The following RALGAPA2 variants were observed in gnomAD, a reference collection of about 807,000 sequenced individuals.
The protein encoded by RALGAPA2 is ral GTPase-activating protein subunit alpha-2.
A neutral mutation model predicts 230.4 loss-of-function variants in RALGAPA2; 139 were observed. That is an observed-to-expected ratio of 0.60 (90% confidence interval 0.53 to 0.69). The LOEUF is 0.69. Ranked by LOEUF, RALGAPA2 falls within the 30% of genes least tolerant of loss-of-function variation. The probability of loss-of-function intolerance (pLI) is 0.00; values close to 1 mark genes in which losing one functional copy is unlikely to be tolerated. For synonymous variants in RALGAPA2, 847 were observed against 837.8 expected (o/e 1.01, Z -0.19); for missense variants, 2,163 against 2,276.0 (o/e 0.95, Z 1.01).
chr20:20,607,870 A>G (rs1231733275), intron 14 of RALGAPA2, among the ~76,000 whole-genome samples: 1 of 152,250 alleles, frequency 6.6e-6, no homozygotes, highest in Admixed American at 6.5e-5. Context: ...AATTATCATC[A>G]TAATTCACAA....
At chr20:20,550,771 A>G (rs1258608919) in intron 23 of RALGAPA2, among the ~76,000 whole-genome samples, 2 of 152,232 alleles carry the variant, frequency 1.3e-5, no homozygotes, top group African/African-American at 4.8e-5. Flanking sequence ...GTAATGGGAT[A>G]GGAGATAAGA....
intron 20 of RALGAPA2, among the ~76,000 whole-genome samples, chr20:20,580,643 G>A (rs763968663): frequency 6.6e-6 from 1 of 152,146 alleles, no homozygotes; most frequent in Non-Finnish European, 1.5e-5. Flanking sequence ...AGGGATCCGT[G>A]AGTATAAACT....
At chr20:20,416,310 G>A (rs764568721) in intron 37 of RALGAPA2, among the ~76,000 whole-genome samples, 6 of 152,136 alleles carry the variant, frequency 3.9e-5, no homozygotes, top group Non-Finnish European at 8.8e-5. Flanking sequence ...CAGGCTCCAT[G>A]GCAAGCAAAC....
chr20:20,602,869 G>A (rs999276734), intron 15 of RALGAPA2, among the ~76,000 whole-genome samples: 9 of 151,862 alleles, frequency 5.9e-5, no homozygotes, highest in Admixed American at 1.3e-4. Context: ...ATGTGCACTC[G>A]TGCATGGATT....
intron 12 of RALGAPA2, among the ~76,000 whole-genome samples, chr20:20,616,877 A>G (rs749289026): frequency 6.6e-6 from 1 of 152,236 alleles, no homozygotes; most frequent in South Asian, 2.1e-4. Context: ...TTATCAGCCA[A>G]CTACTCTACC....
rs141815257 is a variant in RALGAPA2, at chr20:20,584,575, T to C, written c.2530+290A>G. Among the ~76,000 whole-genome samples the C allele has an allele frequency of 7.0e-3, 1,066 of 152,292 alleles. 6 individuals are homozygous for C. The highest frequency in any genetic ancestry group is 0.023 in the African/African-American group (970 of 41,552). On this transcript the variant is annotated intron_variant, in intron 19 of 39. Transcript: ENST00000202677. ...TGGGAAGATGGCTTGAGCCCAGTCA[T>C]TCAAAACCAGCCTGGGCAACATGGC...
chr20:20,583,299 G>A (rs768187256), intron 19 of RALGAPA2, 73 bp from the exon 20 acceptor site: 240 of 1,412,418 alleles, frequency 1.7e-4, no homozygotes, highest in Non-Finnish European at 2.2e-4. Flanking sequence ...TTACTGATAC[G>A]AAAGTAACTA....
At chr20:20,497,086 A>G (rs1569445510) in intron 35 of RALGAPA2, among the ~76,000 whole-genome samples, 1 of 152,238 alleles carries the variant, frequency 6.6e-6, no homozygotes, top group Non-Finnish European at 1.5e-5. Flanking sequence ...ACATAAAAGT[A>G]AAAGAATAGC....
At chr20:20,628,679 T>C (rs937853701) in intron 10 of RALGAPA2, among the ~76,000 whole-genome samples, 5 of 152,218 alleles carry the variant, frequency 3.3e-5, no homozygotes, top group African/African-American at 1.2e-4. Flanking sequence ...CCCTCCCCAG[T>C]TGTGATGACC....
At chr20:20,629,612 T>C (rs532302980) in intron 9 of RALGAPA2, 22 bp from the exon 10 acceptor site, 2 of 1,608,626 alleles carry the variant, frequency 1.2e-6, no homozygotes, top group African/African-American at 2.7e-5. Context: ...TCAGCACACT[T>C]CTCAATGATG....
intron 37 of RALGAPA2, among the ~76,000 whole-genome samples, chr20:20,428,682 A>G (rs946598530): frequency 6.6e-6 from 1 of 150,910 alleles, no homozygotes; most frequent in Non-Finnish European, 1.5e-5. Flanking sequence ...TCTTCTCTCA[A>G]TCCCTCATTT....
chr20:20,396,552 G>A, intron 39 of RALGAPA2, 143 bp downstream of exon 39: 1 of 707,214 alleles, frequency 1.4e-6, no homozygotes, highest in African/African-American at 1.8e-5. Flanking sequence ...CAGGAGTGTG[G>A]GCAGGGCCCC....
chr20:20,408,280 G>A (rs927891772), intron 38 of RALGAPA2, among the ~76,000 whole-genome samples: 1 of 152,172 alleles, frequency 6.6e-6, no homozygotes, highest in Non-Finnish European at 1.5e-5. Flanking sequence ...GATATTAAAT[G>A]AGACATACCT....
At chr20:20,578,674 GCCT>G (rs1243369255) in intron 20 of RALGAPA2, among the ~76,000 whole-genome samples, 5 of 152,142 alleles carry the variant, frequency 3.3e-5, no homozygotes, top group African/African-American at 9.7e-5. Context: ...AAGAAATGTA[GCCT>G]CGGTCTCTGA....
At chr20:20,647,160 T>C (rs1249191513) in intron 4 of RALGAPA2, among the ~76,000 whole-genome samples, 1 of 152,228 alleles carries the variant, frequency 6.6e-6, no homozygotes, top group African/African-American at 2.4e-5. Flanking sequence ...CTTTTAATAA[T>C]ATTTTTAAGG....
intron 35 of RALGAPA2, among the ~76,000 whole-genome samples, chr20:20,499,838 C>T (rs6046902): frequency 0.074 from 11,222 of 152,240 alleles, 575 homozygotes; most frequent in East Asian, 0.16. Context: ...ACATGCACTG[C>T]TGCCCATCAT....
chr20:20,585,947 G>C (rs2065121913), intron 18 of RALGAPA2, among the ~76,000 whole-genome samples: 1 of 152,046 alleles, frequency 6.6e-6, no homozygotes, highest in African/African-American at 2.4e-5. Context: ...TAATTATTAA[G>C]CTAATAAAAA....
At chr20:20,610,611 C>T (rs549924858) in intron 14 of RALGAPA2, among the ~76,000 whole-genome samples, 70 of 152,276 alleles carry the variant, frequency 4.6e-4, no homozygotes, top group African/African-American at 1.6e-3. Flanking sequence ...CCTTAAACCT[C>T]GCCCACCATG....
At chr20:20,436,983 G>A (rs1445928358) in intron 37 of RALGAPA2, among the ~76,000 whole-genome samples, 1 of 152,286 alleles carries the variant, frequency 6.6e-6, no homozygotes, top group East Asian at 1.9e-4. Flanking sequence ...ACTAACTGAC[G>A]GGAGGCTCCG....
Sources: allele counts gnomAD v4.1 joint callset (sites outside exome capture counted in the v4.1 genomes callset), GRCh38; gene constraint gnomAD v4.1.1; transcripts MANE v1.5; gene names NCBI Gene and HGNC (gene_info 2026-07-23, HGNC 2026-07-21).